Variants in RIPOR3 observed in about 807,000 individuals in gnomAD.
RIPOR3 encodes the protein RIPOR family member 3, also known as family with sequence similarity 65 member C.
In RIPOR3, 95 loss-of-function variants were observed where a neutral mutation model predicts 114.3. That is an observed-to-expected ratio of 0.83 (90% CI 0.70 to 0.99). The LOEUF (loss-of-function observed/expected upper bound fraction) is 0.99. RIPOR3 is among the 50% of genes least tolerant of loss of function. The pLI is 0.00. For synonymous variants in RIPOR3, 575 were observed against 543.8 expected (o/e 1.06, Z -0.80); for missense variants, 1,252 against 1,266.9 (o/e 0.99, Z 0.18).
At chr20:50,647,379 A>T (rs2085437227) in intron 1 of RIPOR3, among the ~76,000 whole-genome samples, 2 of 152,110 alleles carry the variant, frequency 1.3e-5, no homozygotes, top group African/African-American at 4.8e-5. Context: ...CTTTGCAGAC[A>T]TGCCAATAAC....
intron 1 of RIPOR3, among the ~76,000 whole-genome samples, chr20:50,686,748 TAAAAAAA>T (rs11470692): frequency 2.8e-5 from 4 of 142,060 alleles, no homozygotes; most frequent in Non-Finnish European, 6.2e-5. Context: ...GAGACTCTGT[TAAAAAAA>T]AAAAAAAGAA....
At chr20:50,590,403 G>A (rs1021605271) in intron 19 of RIPOR3, among the ~76,000 whole-genome samples, 1 of 152,248 alleles carries the variant, frequency 6.6e-6, no homozygotes, top group Non-Finnish European at 1.5e-5. Flanking sequence ...GGGAAACCCA[G>A]GAGTGGGTTT....
At chr20:50,673,605 G>C (rs2086594263) in intron 1 of RIPOR3, among the ~76,000 whole-genome samples, 1 of 152,104 alleles carries the variant, frequency 6.6e-6, no homozygotes, top group Non-Finnish European at 1.5e-5. Flanking sequence ...GCTCCTAACT[G>C]CACCCACCCC....
chr20:50,630,470 C>T (rs916583755), intron 2 of RIPOR3, among the ~76,000 whole-genome samples: 1 of 152,146 alleles, frequency 6.6e-6, no homozygotes, highest in African/African-American at 2.4e-5. Flanking sequence ...GGCAGATCAA[C>T]TTCTGGAGAC....
chr20:50,640,347 C>CGAGACCTGCCT (rs2085144041), intron 1 of RIPOR3, among the ~76,000 whole-genome samples: 4 of 151,208 alleles, frequency 2.6e-5, no homozygotes, highest in South Asian at 4.2e-4. Context: ...AGAGCAGAGC[C>CGAGACCTGCCT]GAGACCTGCC....
chr20:50,656,029 A>T (rs1174657738), intron 1 of RIPOR3, among the ~76,000 whole-genome samples: 2 of 151,050 alleles, frequency 1.3e-5, no homozygotes, highest in East Asian at 3.9e-4. Context: ...TTTTTTTGAG[A>T]CGGAGTCTCA....
In RIPOR3 at chr20:50,602,253, G is replaced by T; in HGVS notation, c.1478C>A (p.Thr493Lys). ...GTGGCCGTTCTGGCTACTCGAGGCT[G>T]TGCCGCTGTGGAACAGGGAGCCCTG... ...LPQGSLFHSG[T>K]ASSSQNGHEE... The change falls in exon 13 of 22, where the codon ACA (threonine) becomes AAA (lysine). Residue 493 changes from threonine (T) to lysine (K), a missense_variant. Physicochemically the swap from Thr to Lys is moderately conservative, Grantham distance 78. Transcript: ENST00000327979. This position sits in a 1 kb window ranked among gnomAD's most constrained non-coding sequence, Gnocchi z 4.3. 6.2e-7 allele frequency: 1 copy of T among 1,613,946 alleles called. No homozygotes were observed. The highest frequency in any genetic ancestry group is 1.1e-5 in the South Asian group (1 of 91,066).
At chr20:50,643,055 A>G (rs921161627) in intron 1 of RIPOR3, among the ~76,000 whole-genome samples, 6 of 152,064 alleles carry the variant, frequency 3.9e-5, no homozygotes, top group Non-Finnish European at 7.4e-5. Flanking sequence ...TCTCAAAAAA[A>G]AAACCCAAAA....
intron 21 of RIPOR3, 137 bp downstream of exon 21, chr20:50,587,663 CTG>C: frequency 1.3e-6 from 1 of 772,320 alleles, no homozygotes; most frequent in South Asian, 1.7e-5. Flanking sequence ...GAGGTCGGCT[CTG>C]TGCCAGGGCT....
At chr20:50,647,988 G>A (rs2085473025) in intron 1 of RIPOR3, among the ~76,000 whole-genome samples, 1 of 151,872 alleles carries the variant, frequency 6.6e-6, no homozygotes, top group African/African-American at 2.4e-5. Flanking sequence ...TAAAATCCAG[G>A]GTAGTGGCCA....
rs1035397865 is a variant in RIPOR3, at chr20:50,690,641, C to T, written c.3+485G>A. ...ACAGGAGAGTTTAGCCAAAGCAAGT[C>T]AGAAAAACCTAGGTCTTTTTTCGTT... On this transcript the variant is annotated intron_variant, in intron 1 of 21. Coordinates refer to ENST00000327979, the MANE Select transcript of RIPOR3 (RefSeq NM_001290268.2). 3.3e-5 allele frequency among the ~76,000 whole-genome samples: 5 copies of T among 152,104 alleles called. No homozygotes were observed. The East Asian group carries it at 9.6e-4, about 29-fold the overall frequency.
At chr20:50,671,890 A>C (rs576094094) in intron 1 of RIPOR3, among the ~76,000 whole-genome samples, 1 of 148,578 alleles carries the variant, frequency 6.7e-6, no homozygotes, top group Admixed American at 6.8e-5. Context: ...GGATGGATAG[A>C]TGGATGGGTG....
At chr20:50,596,931 C>G (rs969396050) in intron 14 of RIPOR3, 6 of 153,582 alleles carry the variant, frequency 3.9e-5, no homozygotes, top group Admixed American at 3.9e-4. Context: ...CTGGATACTG[C>G]TGCACCTTGG....
chr20:50,591,114 C>T lies in RIPOR3; in HGVS notation c.2577+1230G>A, dbSNP rs572058946. 1.9e-4 allele frequency among the ~76,000 whole-genome samples: 29 copies of T among 151,998 alleles called. No individual in the cohort carries two copies. The South Asian group carries it at 2.5e-3, about 13-fold the overall frequency. On this transcript the variant is annotated intron_variant, in intron 19 of 21. Coordinates refer to ENST00000327979, the MANE Select transcript of RIPOR3 (RefSeq NM_001290268.2). ...AATTAATTGCAAGCAGAGAAAGAAA[C>T]GGGGAAAAAAACCTTTAGATTGATT...
chr20:50,655,056 G>T (rs973979318), intron 1 of RIPOR3, among the ~76,000 whole-genome samples: 1 of 152,220 alleles, frequency 6.6e-6, no homozygotes, highest in Non-Finnish European at 1.5e-5. Flanking sequence ...GCCAACCATT[G>T]TTGAGTGAGC....
chr20:50,676,266 A>C (rs1486950630), intron 1 of RIPOR3, among the ~76,000 whole-genome samples: 1 of 152,118 alleles, frequency 6.6e-6, no homozygotes, highest in Non-Finnish European at 1.5e-5. Flanking sequence ...AGTCAGGGGA[A>C]GTTGGTCTGC....
Position 50,665,415 on chromosome 20 carries a change from C to G in RIPOR3, c.3+25711G>C, listed in dbSNP as rs1159980591. Among the ~76,000 whole-genome samples, 6 of 104,728 alleles carry G rather than the reference C, an allele frequency of 5.7e-5. No homozygotes were observed. In the Admixed American group the frequency reaches 5.8e-4, roughly 10 times the overall value. 68.7% of individuals were successfully genotyped at this position (104,728 alleles called of 152,430 possible). A position where few individuals can be genotyped will look rare whatever the true frequency, so the allele number is the denominator to read the frequency against. ...TGGCTCTACCTTGGCTCAGAGCCCC[C>G]TCTTCCTTTTTTTTTTTTTTTTTGA... On this transcript the variant is annotated intron_variant, in intron 1 of 21. Coordinates refer to ENST00000327979, the MANE Select transcript of RIPOR3 (RefSeq NM_001290268.2).
intron 13 of RIPOR3, 112 bp downstream of exon 13, chr20:50,601,960 G>A (rs775759564): frequency 2.0e-4 from 220 of 1,083,302 alleles, no homozygotes; most frequent in East Asian, 1.6e-3. Context: ...CCCAGGTCAC[G>A]CAGAGGTGAG....
chr20:50,596,239 C>T lies in RIPOR3; in HGVS notation c.1815G>A (p.Pro605=), dbSNP rs372985228. 3.3e-5 allele frequency: 53 copies of T among 1,614,152 alleles called. No individual in the cohort carries two copies. The highest frequency in any genetic ancestry group is 3.6e-5 in the Non-Finnish European group (43 of 1,180,028). ...CCCTGGATGACGCTTTCAGTGATGACGGTGGGGGCAGGGGCCGGTCCTTTC... is the reference window on the plus strand; with the variant it reads ...CCCTGGATGACGCTTTCAGTGATGATGGTGGGGGCAGGGGCCGGTCCTTTC... ...GLRKDRPLPP[P]SSLKASSREL... is the part of the protein sequence containing the mutation. Residue 605 remains proline (P), a synonymous_variant, in exon 15 of 22, where the codon CCG becomes CCA. Transcript: ENST00000327979.
Sources: gnomAD v4.1 joint callset for allele counts (sites outside exome capture counted in the v4.1 genomes callset) on GRCh38, gnomAD v4.1.1 for gene constraint, Gnocchi (gnomAD v3.1) non-coding constraint, MANE v1.5 for transcripts, NCBI Gene and HGNC (gene_info 2026-07-23, HGNC 2026-07-21) for gene names.